The following MARCHF1 variants were observed in gnomAD, a reference collection of about 807,000 sequenced individuals.
The protein encoded by MARCHF1 is membrane associated ring-CH-type finger 1, also known as E3 ubiquitin-protein ligase MARCHF1.
MARCHF1 carries 40 observed loss-of-function variants against 54.2 expected under a neutral mutation model. The ratio of observed to expected loss-of-function variants is 0.74; its 90% CI spans 0.57 to 0.96. MARCHF1 has a LOEUF of 0.96. Among genes scored for constraint, MARCHF1 ranks in the 40% least tolerant of loss-of-function variants. MARCHF1 has a pLI of 0.00. For missense variants in MARCHF1, 586 were observed against 656.5 expected, an observed-to-expected ratio of 0.89 and a Z score of 1.17; for synonymous variants, 236 against 236.3, an observed-to-expected ratio of 1.00 and a Z score of 0.01.
chr4:164,235,836 C>T (rs1341016647), intron 1 of MARCHF1, among the ~76,000 whole-genome samples: 1 of 151,972 alleles, frequency 6.6e-6, no homozygotes, highest in East Asian at 1.9e-4. Flanking sequence ...CAGAATTCAC[C>T]ACTAAATAAT....
chr4:164,358,569 A>G lies in MARCHF1; in HGVS notation c.-323+25301T>C, dbSNP rs1004163665. ...CATGAATTTTGCTTTGGTGACATAC[A>G]CAGAATGAAGAGAAAGTGAAAGGAG... is the stretch of plus-strand genomic sequence containing the variant. On this transcript the variant is annotated intron_variant, in intron 1 of 9. Coordinates refer to ENST00000514618, the MANE Select transcript of MARCHF1 (RefSeq NM_001394959.1). Among the ~76,000 whole-genome samples the G allele has an allele frequency of 2.0e-5, 3 of 152,324 alleles. No individual in the cohort carries two copies. In the East Asian group the frequency reaches 5.8e-4, roughly 29 times the overall value.
intron 4 of MARCHF1, among the ~76,000 whole-genome samples, chr4:163,781,745 C>G (rs114247936): frequency 6.6e-6 from 1 of 151,952 alleles, no homozygotes; most frequent in South Asian, 2.1e-4. Context: ...GGAGAAAACA[C>G]GGAAAAGAGA....
intron 3 of MARCHF1, among the ~76,000 whole-genome samples, chr4:163,965,963 T>C (rs1334711995): frequency 1.3e-5 from 2 of 152,204 alleles, no homozygotes; most frequent in East Asian, 1.9e-4. Context: ...TGATATACCC[T>C]GAGATTGAGA....
rs116800445 is a variant in MARCHF1 at position 163,950,838 on chromosome 4, G to A, written c.-39+37663C>T. The stretch of plus-strand genomic sequence containing the variant: ...AAATTTATGAAAAGTACATATTCAA[G>A]AAATTGATCTAAAGAAATCCATTCT... On this transcript the variant is annotated intron_variant, in intron 3 of 9. Coordinates refer to ENST00000514618, the MANE Select transcript of MARCHF1 (RefSeq NM_001394959.1). Among the ~76,000 whole-genome samples, 518 of 152,306 alleles carry A rather than the reference G, an allele frequency of 3.4e-3. 4 individuals carry two copies. Among genetic ancestry groups the A allele is most frequent in the Middle Eastern group, 0.014 (4 of 294 alleles).
intron 1 of MARCHF1, among the ~76,000 whole-genome samples, chr4:164,181,570 G>A (rs1410463538): frequency 6.6e-6 from 1 of 152,092 alleles, no homozygotes; most frequent in South Asian, 2.1e-4. Flanking sequence ...CCCTGAAATA[G>A]TACCATTCCA....
intron 4 of MARCHF1, among the ~76,000 whole-genome samples, chr4:163,702,597 T>C (rs1158082616): frequency 1.3e-5 from 2 of 152,180 alleles, no homozygotes; most frequent in Non-Finnish European, 2.9e-5. Flanking sequence ...AATGGGACTT[T>C]ATGGTGTTTT....
chr4:163,986,313 G>A (rs1395189000), intron 3 of MARCHF1, among the ~76,000 whole-genome samples: 1 of 121,502 alleles, frequency 8.2e-6, no homozygotes, highest in Non-Finnish European at 1.7e-5. Context: ...CGCCCAGGCT[G>A]GAGTGCAGTG....
intron 8 of MARCHF1, among the ~76,000 whole-genome samples, chr4:163,549,983 G>A (rs915129337): frequency 6.6e-6 from 1 of 152,198 alleles, no homozygotes; most frequent in Non-Finnish European, 1.5e-5. Context: ...CAGTTTATTT[G>A]TATAACATAA....
At chr4:164,271,498 A>T (rs1003735546) in intron 1 of MARCHF1, among the ~76,000 whole-genome samples, 4 of 152,168 alleles carry the variant, frequency 2.6e-5, no homozygotes, top group African/African-American at 9.7e-5. Flanking sequence ...AGAAAGAAAC[A>T]TGCCTGTCAA....
At chr4:164,131,040 T>C (rs192164575) in intron 1 of MARCHF1, among the ~76,000 whole-genome samples, 2 of 152,316 alleles carry the variant, frequency 1.3e-5, no homozygotes, top group Admixed American at 6.5e-5. Context: ...TCATAAACCA[T>C]GTGAAAATCA....
intron 1 of MARCHF1, among the ~76,000 whole-genome samples, chr4:164,149,624 G>A (rs142230722): frequency 2.0e-4 from 31 of 152,094 alleles, no homozygotes; most frequent in African/African-American, 6.5e-4. Context: ...CAGCTTCAAG[G>A]ACTCCTTCAG....
At chr4:163,859,260 T>C (rs1326982853) in intron 3 of MARCHF1, among the ~76,000 whole-genome samples, 1 of 152,114 alleles carries the variant, frequency 6.6e-6, no homozygotes, top group Non-Finnish European at 1.5e-5. Flanking sequence ...TCAGATAAGC[T>C]ACCCTCACCT....
At chr4:164,092,976 T>C (rs1755336182) in intron 2 of MARCHF1, among the ~76,000 whole-genome samples, 1 of 152,100 alleles carries the variant, frequency 6.6e-6, no homozygotes, top group South Asian at 2.1e-4. Flanking sequence ...CCTCTGTAAA[T>C]GGGCTTTACA....
intron 2 of MARCHF1, among the ~76,000 whole-genome samples, chr4:164,096,541 C>A (rs994656015): frequency 7.9e-5 from 12 of 151,224 alleles, no homozygotes; most frequent in Non-Finnish European, 1.6e-4. Flanking sequence ...TTGTAACAGA[C>A]CTGCACATGT....
intron 1 of MARCHF1, among the ~76,000 whole-genome samples, chr4:164,243,463 A>G (rs1343179060): frequency 1.3e-5 from 2 of 152,234 alleles, no homozygotes; most frequent in African/African-American, 2.4e-5. Flanking sequence ...GGAAGCACTA[A>G]ACATGGAAAG....
chr4:163,950,155 C>A (rs1752105756), intron 3 of MARCHF1, among the ~76,000 whole-genome samples: 1 of 152,166 alleles, frequency 6.6e-6, no homozygotes, highest in Non-Finnish European at 1.5e-5. Context: ...TGCCTGGGAG[C>A]CTGTCTGCCT....
chr4:163,567,166 G>A (rs1305247357), intron 8 of MARCHF1, among the ~76,000 whole-genome samples: 1 of 152,000 alleles, frequency 6.6e-6, no homozygotes, highest in African/African-American at 2.4e-5. Context: ...CATATTCAGT[G>A]AAGAATAAAA....
At chr4:164,243,119 T>A (rs1732826390) in intron 1 of MARCHF1, among the ~76,000 whole-genome samples, 1 of 121,838 alleles carries the variant, frequency 8.2e-6, no homozygotes, top group African/African-American at 3.2e-5. Context: ...ATTCAGGAAA[T>A]ACAGAGAACG....
At chr4:163,561,802 T>A (rs1739476851) in intron 8 of MARCHF1, among the ~76,000 whole-genome samples, 2 of 152,222 alleles carry the variant, frequency 1.3e-5, no homozygotes, top group South Asian at 4.1e-4. Context: ...TGTTTGCTCA[T>A]CGTACTGATG....
Sources: allele counts gnomAD v4.1 joint callset (sites outside exome capture counted in the v4.1 genomes callset), GRCh38; gene constraint gnomAD v4.1.1; transcripts MANE v1.5; gene names NCBI Gene and HGNC (gene_info 2026-07-23, HGNC 2026-07-21).